The following HERC1 variants were observed in gnomAD, a reference collection of about 807,000 sequenced individuals.
HERC1 encodes the protein HECT and RLD domain containing E3 ubiquitin protein ligase family member 1.
In HERC1, 160 loss-of-function variants were observed where a neutral mutation model predicts 554.3. The observed-to-expected ratio is 0.29, with a 90% CI of 0.25 to 0.33. The LOEUF (loss-of-function observed/expected upper bound fraction) is 0.33. HERC1 is among the 10% of genes least tolerant of loss of function. The probability of loss-of-function intolerance (pLI) is 1.00; values close to 1 mark genes in which losing one functional copy is unlikely to be tolerated. For synonymous variants in HERC1, 2,175 were observed against 2,131.7 expected (o/e 1.02, Z -0.56); for missense variants, 4,919 against 5,918.5 (o/e 0.83, Z 5.54).
chr15:63,815,425 T>C (rs1235520257), intron 1 of HERC1, among the ~76,000 whole-genome samples: 1 of 152,174 alleles, frequency 6.6e-6, no homozygotes, highest in Non-Finnish European at 1.5e-5. Context: ...TCCTCATCTA[T>C]AAAATAGGTA....
chr15:63,640,106 T>C (rs773487804), intron 61 of HERC1, 46 bp downstream of exon 61: 5 of 1,575,084 alleles, frequency 3.2e-6, no homozygotes, highest in Middle Eastern at 1.7e-4. Flanking sequence ...CCAATACCCA[T>C]GATAAAATCT....
intron 64 of HERC1, chr15:63,636,899 T>G: frequency 3.7e-6 from 1 of 273,600 alleles, no homozygotes; most frequent in South Asian, 4.1e-5. Context: ...TCATCTTTAC[T>G]GCTGTGCTCT....
intron 1 of HERC1, among the ~76,000 whole-genome samples, chr15:63,822,161 T>C (rs2077724464): frequency 6.6e-6 from 1 of 152,132 alleles, no homozygotes; most frequent in East Asian, 1.9e-4. Context: ...CCTGGCCCGG[T>C]CAGGGAATAC....
Position 63,654,817 on chromosome 15 carries a change from C to T in HERC1, c.10085-493G>A, listed in dbSNP as rs543802449. Among the ~76,000 whole-genome samples the T allele has an allele frequency of 3.1e-3, 475 of 150,864 alleles. 3 individuals carry two copies. Among genetic ancestry groups the T allele is most frequent in the Non-Finnish European group, 5.5e-3 (376 of 67,772 alleles). The stretch of plus-strand genomic sequence containing the variant: ...CTGGGAGACGGAGGTTGCGGTGAGC[C>T]GAGACTGCGCCACTGTACTCCAGCC... On this transcript the variant is annotated intron_variant, in intron 50 of 77. Coordinates refer to ENST00000443617, the MANE Select transcript of HERC1 (RefSeq NM_003922.4).
chr15:63,759,991 A>C (rs759940634), intron 3 of HERC1, among the ~76,000 whole-genome samples: 3 of 152,228 alleles, frequency 2.0e-5, no homozygotes, highest in Non-Finnish European at 4.4e-5. Context: ...CAAGGGAGTC[A>C]GAATTGCTCA....
chr15:63,694,976 T>C lies in HERC1; in HGVS notation c.5122-82A>G, dbSNP rs1279823616. ...AAAAGAAGTAATAACATTTTATTTC[T>C]AGTCTATGCTAGAGCCTTACGATGG... On this transcript the variant is annotated intron_variant, in intron 27 of 77. Transcript: ENST00000443617. This position sits in a 1 kb window ranked among gnomAD's most constrained non-coding sequence, Gnocchi z 4.3. 2 of 1,248,988 alleles carry C rather than the reference T, an allele frequency of 1.6e-6. No homozygotes were observed. The highest frequency in any genetic ancestry group is 2.2e-6 in the Non-Finnish European group (2 of 900,958). 77.4% of individuals were successfully genotyped at this position (1,248,988 alleles called of 1,614,324 possible). A position where few individuals can be genotyped will look rare whatever the true frequency, so the allele number is the denominator to read the frequency against.
rs1210498465 is a variant in HERC1, at chr15:63,718,814, T to C, written c.3826A>G (p.Asn1276Asp). The C allele has an allele frequency of 6.2e-7, 1 of 1,613,662 alleles. No homozygotes were observed. Among genetic ancestry groups the C allele is most frequent in the East Asian group, 2.2e-5 (1 of 44,856 alleles). ...FVLAALLKHT[N>D]LLSQACGESR... is the part of the protein sequence containing the mutation. The stretch of plus-strand genomic sequence containing the variant: ...TCTCCACATGCTTGACTAAGTAAAT[T>C]TGTGTGTTTCAGAAGAGCTGCAAGA... The change falls in exon 20 of 78, where the codon AAT becomes GAT. Residue 1276 changes from asparagine to aspartate, a missense_variant. Asn to Asp is a conservative substitution (Grantham distance 23, BLOSUM62 1). Around this residue, in one of 11 missense-constraint regions of HERC1, gnomAD observed 1,121 missense variants for 1,244.0 expected, o/e 0.90. Coordinates refer to ENST00000443617, the MANE Select transcript of HERC1 (RefSeq NM_003922.4). This position sits in a 1 kb window ranked among gnomAD's most constrained non-coding sequence, Gnocchi z 4.2.
chr15:63,796,962 G>T (rs1182193117), intron 1 of HERC1, among the ~76,000 whole-genome samples: 1 of 152,100 alleles, frequency 6.6e-6, no homozygotes, highest in African/African-American at 2.4e-5. Context: ...GTATTATGAG[G>T]CATATCTGGC....
At chr15:63,798,491 C>T in intron 1 of HERC1, among the ~76,000 whole-genome samples, 1 of 150,446 alleles carries the variant, frequency 6.6e-6, no homozygotes, top group Middle Eastern at 3.2e-3. Context: ...ACCACTGCTT[C>T]TATCCTCTTC....
chr15:63,799,699 T>C (rs755611955), intron 1 of HERC1, among the ~76,000 whole-genome samples: 2 of 152,038 alleles, frequency 1.3e-5, no homozygotes, highest in Non-Finnish European at 2.9e-5. Context: ...TGGAAAATGA[T>C]AGGACAATAA....
rs72750985 is a variant in HERC1, at chr15:63,700,843, G to T, written c.4637-1847C>A. 1.9e-3 allele frequency among the ~76,000 whole-genome samples: 280 copies of T among 149,272 alleles called. 4 individuals carry two copies. Among genetic ancestry groups the T allele is most frequent in the Middle Eastern group, 0.011 (3 of 282 alleles). On this transcript the variant is annotated intron_variant, in intron 25 of 77. Transcript: ENST00000443617. ...ACACAGAAAAAACTGAAAATTCAAA[G>T]AATAATATCATAGATGCATAATGTA...
chr15:63,660,556 T>G (rs957948257), intron 46 of HERC1, among the ~76,000 whole-genome samples: 2 of 152,196 alleles, frequency 1.3e-5, no homozygotes, highest in South Asian at 2.1e-4. Context: ...TTAAAAATAT[T>G]GTCATGGGTC....
chr15:63,764,611 C>T (rs1288471335), intron 2 of HERC1, among the ~76,000 whole-genome samples: 1 of 152,126 alleles, frequency 6.6e-6, no homozygotes, highest in Non-Finnish European at 1.5e-5. Flanking sequence ...TTAGTAATGA[C>T]GTGACCAAAG....
At chr15:63,765,084 G>A (rs781650118) in intron 2 of HERC1, among the ~76,000 whole-genome samples, 36 of 152,216 alleles carry the variant, frequency 2.4e-4, no homozygotes, top group African/African-American at 4.1e-4. Context: ...CTTTTGTTCC[G>A]AAGCAGATAG....
In HERC1 at chr15:63,624,155, A is replaced by G; in HGVS notation, c.13445+3T>C. On this transcript the variant is annotated splice_donor_region_variant and intron_variant, in intron 72 of 77. Transcript: ENST00000443617. ...TTAGTCAAACACACATACATATGCT[A>G]ACCTGGTTGATATCCTCTTTACAGT... 2 of 1,606,862 alleles carry G rather than the reference A, an allele frequency of 1.2e-6. No individual in the cohort carries two copies. Among genetic ancestry groups the G allele is most frequent in the Non-Finnish European group, 1.7e-6 (2 of 1,176,342 alleles).
intron 34 of HERC1, among the ~76,000 whole-genome samples, chr15:63,683,474 G>A (rs1043813470): frequency 4.6e-5 from 7 of 152,126 alleles, no homozygotes; most frequent in African/African-American, 7.2e-5. Context: ...AGTGGCTAAC[G>A]AGTTCTTATA....
intron 37 of HERC1, among the ~76,000 whole-genome samples, chr15:63,675,576 A>G (rs1313769452): frequency 6.6e-6 from 1 of 152,208 alleles, no homozygotes; most frequent in African/African-American, 2.4e-5. Flanking sequence ...TATTCAGAAA[A>G]TTTGTATAAT....
chr15:63,615,142 T>TA (rs1469922303), intron 76 of HERC1, among the ~76,000 whole-genome samples: 3 of 152,102 alleles, frequency 2.0e-5, no homozygotes, highest in Non-Finnish European at 2.9e-5. Context: ...TGGGAAGCAG[T>TA]AAGACATGAG....
Position 63,640,395 on chromosome 15 carries a change from G to A in HERC1, c.11658C>T (p.Cys3886=). The A allele has an allele frequency of 6.2e-7, 1 of 1,613,852 alleles. No homozygotes were observed. The highest frequency in any genetic ancestry group is 8.5e-7 in the Non-Finnish European group (1 of 1,179,796). The part of the protein sequence containing the change: ...DQLVHSPYMQ[C]LASLAVGLHL... ...GAAGTCCCACAGCAAGGGAAGCCAA[G>A]CATTGCATATAGGGGCTATGAACAA... The change falls in exon 61 of 78, where the codon TGC becomes TGT. Residue 3886 remains cysteine, a synonymous_variant. Coordinates refer to ENST00000443617, the MANE Select transcript of HERC1 (RefSeq NM_003922.4).
Sources: allele counts gnomAD v4.1 joint callset (sites outside exome capture counted in the v4.1 genomes callset), GRCh38; gene constraint gnomAD v4.1.1; regional missense constraint gnomAD v4.1.1; non-coding constraint Gnocchi (gnomAD v3.1); transcripts MANE v1.5; gene names NCBI Gene and HGNC (gene_info 2026-07-23, HGNC 2026-07-21).